The following KLF8 variants were observed in gnomAD, a reference collection of about 807,000 sequenced individuals.
KLF8 encodes Krueppel-like factor 8.
A neutral mutation model predicts 18.2 loss-of-function variants in KLF8; 10 were observed. That is an observed-to-expected ratio of 0.55 (90% CI 0.34 to 0.93). The LOEUF (loss-of-function observed/expected upper bound fraction) is 0.93. KLF8 is among the 40% of genes least tolerant of loss of function. KLF8 has a pLI of 0.02. For synonymous variants in KLF8, 109 were observed against 97.3 expected (o/e 1.12, Z -0.71); for missense variants, 264 against 277.9 (o/e 0.95, Z 0.36).
chrX:56,120,838 A>G, the KLF8 span, among the ~76,000 whole-genome samples: 144 of 111,428 alleles, frequency 1.3e-3, 1 homozygote, highest in African/African-American at 4.6e-3. Context: ...TTTCTCAAGT[A>G]ATCCTGCTAG....
At chrX:56,174,715 C>G in the KLF8 span, among the ~76,000 whole-genome samples, 6 of 111,361 alleles carry the variant, frequency 5.4e-5, no homozygotes, top group Non-Finnish European at 9.4e-5. Context: ...GGCTGTGAAT[C>G]TATCTGGTCT....
the KLF8 span, among the ~76,000 whole-genome samples, chrX:56,071,009 A>G: frequency 8.9e-6 from 1 of 111,801 alleles, no homozygotes; most frequent in African/African-American, 3.2e-5. Context: ...GAAGAGTGAA[A>G]TAGTTTTTCA....
At chrX:55,999,285 A>ATTTTT in the KLF8 span, among the ~76,000 whole-genome samples, 2 of 33,574 alleles carry the variant, frequency 6.0e-5, no homozygotes, top group South Asian at 1.5e-3. Context: ...ATGCCTCCAG[A>ATTTTT]TTTTTTTTTT....
chrX:56,067,761 C>T, the KLF8 span, among the ~76,000 whole-genome samples: 1 of 112,290 alleles, frequency 8.9e-6, no homozygotes, highest in Admixed American at 9.4e-5. Context: ...ACTTCTAAGA[C>T]TGAGGCAGAA....
the KLF8 span, among the ~76,000 whole-genome samples, chrX:55,932,017 T>A: frequency 9.0e-6 from 1 of 110,625 alleles, no homozygotes. Flanking sequence ...TCTTTGTAAG[T>A]CTCTAAGAAC....
At chrX:56,197,194 G>T in the KLF8 span, among the ~76,000 whole-genome samples, 15 of 110,280 alleles carry the variant, frequency 1.4e-4, no homozygotes, top group East Asian at 4.3e-3. Flanking sequence ...AGAAGCAACA[G>T]CAAACACATT....
At chrX:56,140,008 A>G in the KLF8 span, among the ~76,000 whole-genome samples, 1 of 112,157 alleles carries the variant, frequency 8.9e-6, no homozygotes, top group South Asian at 3.7e-4. Flanking sequence ...TATGCAGCCA[A>G]CAAACATTTC....
chrX:56,224,473 A>G, the KLF8 span, among the ~76,000 whole-genome samples: 3 of 112,028 alleles, frequency 2.7e-5, no homozygotes, highest in Admixed American at 9.5e-5. Flanking sequence ...TTTTTTTATT[A>G]TAAAAGCAAT....
the KLF8 span, among the ~76,000 whole-genome samples, chrX:56,068,012 C>A: frequency 8.9e-6 from 1 of 112,082 alleles, no homozygotes; most frequent in Non-Finnish European, 1.9e-5. Context: ...CCAATGGTAG[C>A]CAAAGTGGAA....
At chrX:55,935,047 T>A in the KLF8 span, among the ~76,000 whole-genome samples, 1 of 112,012 alleles carries the variant, frequency 8.9e-6, no homozygotes, top group Non-Finnish European at 1.9e-5. Context: ...ATACTAACCA[T>A]ACTAATACTA....
At chrX:55,979,814 T>G in the KLF8 span, among the ~76,000 whole-genome samples, 1 of 111,633 alleles carries the variant, frequency 9.0e-6, no homozygotes, top group African/African-American at 3.3e-5. Context: ...GATGACAAAC[T>G]GGATATGGGA....
the KLF8 span, among the ~76,000 whole-genome samples, chrX:56,058,495 ACCCC>A: frequency 1.2e-5 from 1 of 85,407 alleles, no homozygotes; most frequent in African/African-American, 4.3e-5. Context: ...CCCTAGTGCC[ACCCC>A]CACCCACCCC....
the KLF8 span, among the ~76,000 whole-genome samples, chrX:56,123,539 G>A: frequency 2.7e-5 from 3 of 111,544 alleles, no homozygotes; most frequent in Non-Finnish European, 5.7e-5. Flanking sequence ...TAAGAAGAGT[G>A]GTGAGGTTTC....
At chrX:56,227,725 T>C (rs954498973), upstream of KLF8, among the ~76,000 whole-genome samples, 4 of 111,599 alleles carry the variant, frequency 3.6e-5, no homozygotes, top group Non-Finnish European at 7.5e-5. Context: ...AAGGATGTTA[T>C]CCCTTTTCTG....
the KLF8 span, among the ~76,000 whole-genome samples, chrX:56,158,224 A>C: frequency 9.1e-6 from 1 of 109,898 alleles, no homozygotes; most frequent in Non-Finnish European, 1.9e-5. Context: ...ATTTCTGAGG[A>C]CTCTGTTCTG....
At chrX:56,280,539 T>C (rs1045233624) in intron 5 of KLF8, among the ~76,000 whole-genome samples, 1 of 112,483 alleles carries the variant, frequency 8.9e-6, no homozygotes, top group Non-Finnish European at 1.9e-5. Flanking sequence ...TATTCTCTTA[T>C]GTCTTGAGTT....
the KLF8 span, among the ~76,000 whole-genome samples, chrX:56,055,250 G>A: frequency 1.8e-5 from 2 of 111,586 alleles, no homozygotes; most frequent in African/African-American, 6.5e-5. Flanking sequence ...CTTTTTCAGG[G>A]GATCTTTTAA....
At chrX:55,917,033 A>C in the KLF8 span, among the ~76,000 whole-genome samples, 1 of 111,895 alleles carries the variant, frequency 8.9e-6, no homozygotes, top group Non-Finnish European at 1.9e-5. Flanking sequence ...GAAACTATCC[A>C]CTTTCAAGAT....
the KLF8 span, among the ~76,000 whole-genome samples, chrX:56,030,879 ACTG>A: frequency 9.1e-6 from 1 of 109,357 alleles, no homozygotes. Context: ...TGCTACTAGT[ACTG>A]CTGCTGCCTG....
Sources: allele counts gnomAD v4.1 joint callset (sites outside exome capture counted in the v4.1 genomes callset), GRCh38; gene constraint gnomAD v4.1.1; transcripts MANE v1.5; gene names NCBI Gene and HGNC (gene_info 2026-07-23, HGNC 2026-07-21).